The following NOXRED1 variants were observed in gnomAD, a reference collection of about 807,000 sequenced individuals.
NOXRED1 encodes NADP dependent oxidoreductase domain containing 1, also known as NADP-dependent oxidoreductase domain-containing protein 1.
A neutral mutation model predicts 30.4 loss-of-function variants in NOXRED1; 20 were observed. That is an observed-to-expected ratio of 0.66 (90% CI 0.46 to 0.96). NOXRED1 has a LOEUF of 0.96. Among genes scored for constraint, NOXRED1 ranks in the 40% least tolerant of loss-of-function variants. The pLI is 0.00. For missense variants in NOXRED1, 374 were observed against 428.0 expected (o/e 0.87, Z 1.11); for synonymous variants, 155 against 168.0 (o/e 0.92, Z 0.60).
At chr14:77,408,892 A>ATGTTTTTTTTTT (rs1894555993) in intron 2 of NOXRED1, among the ~76,000 whole-genome samples, 1 of 68,154 alleles carries the variant, frequency 1.5e-5, no homozygotes, top group African/African-American at 5.1e-5. Flanking sequence ...CTGGTAGTTA[A>ATGTTTTTTTTTT]TTTTTTTTTT....
chr14:77,413,732 T>C (rs1369117514), intron 2 of NOXRED1, among the ~76,000 whole-genome samples: 2 of 152,068 alleles, frequency 1.3e-5, no homozygotes, highest in African/African-American at 4.8e-5. Context: ...GAGACATGGA[T>C]ATAAAACACA....
chr14:77,400,344 G>A (rs1210942088), intron 5 of NOXRED1, among the ~76,000 whole-genome samples: 1 of 152,222 alleles, frequency 6.6e-6, no homozygotes, highest in African/African-American at 2.4e-5. Flanking sequence ...AGATAACACT[G>A]TAAACCAGAA....
At chr14:77,407,368 T>A in intron 3 of NOXRED1, 97 bp downstream of exon 3, 1 of 859,708 alleles carries the variant, frequency 1.2e-6, no homozygotes, top group Non-Finnish European at 1.9e-6. Flanking sequence ...AACAACCAAC[T>A]CTAAGAGATA....
chr14:77,397,881 C>CAAAAAA (rs34854528), intron 5 of NOXRED1, among the ~76,000 whole-genome samples: 1 of 102,550 alleles, frequency 9.8e-6, no homozygotes, highest in African/African-American at 3.8e-5. Flanking sequence ...AACTCCATCT[C>CAAAAAA]AAAAAAAAAA....
Position 77,423,006 on chromosome 14 carries a change from G to C in NOXRED1, c.-117C>G. The C allele has an allele frequency of 1.2e-6, 1 of 803,708 alleles. No homozygotes were observed. Among genetic ancestry groups the C allele is most frequent in the Non-Finnish European group, 2.0e-6 (1 of 494,362 alleles). The allele number at this position is 803,708 out of a possible 1,614,324, so 49.8% of individuals were successfully genotyped here. ...GATGGTGTGTGTGCCCAGGTCACAA[G>C]CACTCATGATGATGGGCTTCAGCAC... On this transcript the variant is annotated 5_prime_UTR_variant, in exon 1 of 6. Transcript: ENST00000380835.
chr14:77,417,154 A>G (rs1894851485), intron 1 of NOXRED1, among the ~76,000 whole-genome samples: 1 of 152,110 alleles, frequency 6.6e-6, no homozygotes, highest in Admixed American at 6.6e-5. Context: ...AAAAAAAAAA[A>G]AAGACGGTTG....
At position 77,422,833 on chromosome 14, in the gene NOXRED1, T is replaced by C; in HGVS notation, c.57A>G (p.Glu19=). ...CCTGCAAATACAGCCAGATACGATC[T>C]TCCTCTGGAACCCCATACTCAAACT... is the stretch of plus-strand genomic sequence containing the variant. ...SLQFEYGVPE[E]DRIWLYLQGR... is the part of the protein sequence containing the mutation. The change falls in exon 1 of 6, where the codon GAA becomes GAG. Residue 19 remains glutamate (E), a synonymous_variant. Transcript: ENST00000380835. 1 of 1,613,930 alleles carries C rather than the reference T, an allele frequency of 6.2e-7. No homozygotes were observed. The highest frequency in any genetic ancestry group is 8.5e-7 in the Non-Finnish European group (1 of 1,179,846).
In NOXRED1 at chr14:77,394,620, C is replaced by A. The variant is rs368542772; in HGVS notation, c.*11G>T. The A allele has an allele frequency of 1.8e-5, 29 of 1,602,674 alleles. No homozygotes were observed. The highest frequency in any genetic ancestry group is 2.2e-5 in the Non-Finnish European group (26 of 1,173,018). ...CTGTGAGTGGGAAAAAATCCTGATT[C>A]CTGAGTTCTCTTATTGGGATGGAAA... On this transcript the variant is annotated 3_prime_UTR_variant, in exon 6 of 6. Coordinates refer to ENST00000380835, the MANE Select transcript of NOXRED1 (RefSeq NM_001113475.3).
At chr14:77,402,609 G>A (rs1238164672) in intron 5 of NOXRED1, among the ~76,000 whole-genome samples, 2 of 151,894 alleles carry the variant, frequency 1.3e-5, no homozygotes, top group African/African-American at 2.4e-5. Flanking sequence ...ACTCTAGCCT[G>A]GGCAACAAGA....
intron 1 of NOXRED1, among the ~76,000 whole-genome samples, chr14:77,417,520 G>A (rs1177807851): frequency 6.6e-6 from 1 of 152,146 alleles, no homozygotes; most frequent in Non-Finnish European, 1.5e-5. Context: ...TTATCATCAT[G>A]TCATTCTTTG....
At chr14:77,409,321 T>C (rs1894579135) in intron 2 of NOXRED1, among the ~76,000 whole-genome samples, 1 of 152,180 alleles carries the variant, frequency 6.6e-6, no homozygotes, top group Non-Finnish European at 1.5e-5. Flanking sequence ...TCCCCCATGC[T>C]GTTCTCATGA....
intron 5 of NOXRED1, 36 bp downstream of exon 5, chr14:77,405,877 G>A (rs1894443373): frequency 1.6e-6 from 2 of 1,244,114 alleles, no homozygotes; most frequent in Admixed American, 1.7e-5. Context: ...AAGAGTCTGG[G>A]AGAAATGAGA....
intron 5 of NOXRED1, among the ~76,000 whole-genome samples, chr14:77,404,010 T>G (rs1451931660): frequency 6.6e-6 from 1 of 152,102 alleles, no homozygotes; most frequent in Non-Finnish European, 1.5e-5. Flanking sequence ...CCCTCAAAAT[T>G]TTAAGGGAAA....
In NOXRED1 at chr14:77,407,609, TG is replaced by T. The variant is rs779682109; in HGVS notation, c.385del (p.His129IlefsTer6). 1.9e-6 allele frequency: 3 copies of T among 1,614,144 alleles called. No homozygotes were observed. Among genetic ancestry groups the T allele is most frequent in the South Asian group, 2.2e-5 (2 of 91,082 alleles). The part of the protein sequence containing the change: ...LQKLGIKCFY[H>X]NADLVSWADV... ...GGCCCAACTCACCAGATCAGCGTTA[TG>T]GTAAAAGCATTTGATTCCCAGCTTC... On this transcript the variant is annotated frameshift_variant, in exon 3 of 6. Transcript: ENST00000380835. LOFTEE classifies it high-confidence loss of function.
intron 2 of NOXRED1, among the ~76,000 whole-genome samples, chr14:77,412,211 G>A (rs1817738296): frequency 6.6e-6 from 1 of 151,440 alleles, no homozygotes; most frequent in Non-Finnish European, 1.5e-5. Flanking sequence ...ATAAGGCATA[G>A]TTACATAAAT....
At chr14:77,424,647 C>T (rs534463711), upstream of NOXRED1, among the ~76,000 whole-genome samples, 4 of 152,214 alleles carry the variant, frequency 2.6e-5, no homozygotes, top group Non-Finnish European at 5.9e-5. Context: ...CCTAGATTAG[C>T]ATGACCAATG....
chr14:77,419,427 G>GTT lies in NOXRED1; in HGVS notation c.155+3306_155+3307dup, dbSNP rs34015054. Reference sequence around the variant, plus strand: ...AAGAGATAGTATTCTTGGTTGACAGGTTTTTTTTTTTCTTTTTCCTTTTTT... The same window carrying GTT: ...AAGAGATAGTATTCTTGGTTGACAGGTTTTTTTTTTTTTCTTTTTCCTTTTTT... On this transcript the variant is annotated intron_variant, in intron 1 of 5. Coordinates refer to ENST00000380835, the MANE Select transcript of NOXRED1 (RefSeq NM_001113475.3). Among the ~76,000 whole-genome samples the GTT allele has an allele frequency of 1.0e-3, 139 of 132,924 alleles. 2 individuals carry two copies. In the South Asian group the frequency reaches 0.012, roughly 11 times the overall value. 87.2% of individuals were successfully genotyped at this position (132,924 alleles called of 152,430 possible).
intron 1 of NOXRED1, among the ~76,000 whole-genome samples, chr14:77,421,107 T>C (rs1894982958): frequency 6.6e-6 from 1 of 152,224 alleles, no homozygotes; most frequent in South Asian, 2.1e-4. Flanking sequence ...AAACATTCCA[T>C]TTTTCTTTTT....
intron 5 of NOXRED1, among the ~76,000 whole-genome samples, chr14:77,400,672 T>C (rs1894302342): frequency 6.6e-6 from 1 of 152,226 alleles, no homozygotes; most frequent in Non-Finnish European, 1.5e-5. Context: ...AGGAATAGTC[T>C]CTTATGACTT....
Sources: gnomAD v4.1 joint callset for allele counts (sites outside exome capture counted in the v4.1 genomes callset) on GRCh38, gnomAD v4.1.1 for gene constraint, MANE v1.5 for transcripts, NCBI Gene and HGNC (gene_info 2026-07-23, HGNC 2026-07-21) for gene names.